NLK: variants seen among roughly 807,000 people sequenced by gnomAD.
NLK encodes nemo like kinase, also known as serine/threonine-protein kinase NLK.
NLK carries 11 observed loss-of-function variants against 59.0 expected under a neutral mutation model. That is an observed-to-expected ratio of 0.19 (90% CI 0.12 to 0.31). The LOEUF is 0.31. NLK is among the 10% of genes least tolerant of loss of function. NLK has a pLI of 1.00. For synonymous variants in NLK, 235 were observed against 235.9 expected, an observed-to-expected ratio of 1.00 and a Z score of 0.03; for missense variants, 410 against 661.1, an observed-to-expected ratio of 0.62 and a Z score of 4.16.
chr17:28,118,680 T>C (rs1201787270), intron 1 of NLK, among the ~76,000 whole-genome samples: 2 of 152,204 alleles, frequency 1.3e-5, no homozygotes, highest in Non-Finnish European at 2.9e-5. Context: ...ATGCTTCCTG[T>C]TTTGTTATTG....
At chr17:28,177,688 C>T (rs1039448980) in intron 7 of NLK, among the ~76,000 whole-genome samples, 6 of 152,130 alleles carry the variant, frequency 3.9e-5, no homozygotes. Flanking sequence ...TAAATAGCTC[C>T]AGAAAAAATC....
intron 1 of NLK, among the ~76,000 whole-genome samples, chr17:28,097,196 A>AT (rs1904732854): frequency 2.6e-5 from 4 of 152,208 alleles, no homozygotes; most frequent in Admixed American, 2.0e-4. Context: ...TAACCTCTGA[A>AT]GGCAACATTA....
At chr17:28,070,167 C>T (rs1358482048) in intron 1 of NLK, among the ~76,000 whole-genome samples, 8 of 151,416 alleles carry the variant, frequency 5.3e-5, no homozygotes, top group Non-Finnish European at 7.4e-5. Flanking sequence ...ATCCAGGAGG[C>T]GGAGGTTGCA....
At chr17:28,067,490 T>A (rs1416398291) in intron 1 of NLK, among the ~76,000 whole-genome samples, 1 of 150,892 alleles carries the variant, frequency 6.6e-6, no homozygotes, top group East Asian at 1.9e-4. Flanking sequence ...ATCTCCAGTA[T>A]TGGAAATGAT....
chr17:28,045,233 T>C (rs1909010735), intron 1 of NLK, among the ~76,000 whole-genome samples: 1 of 152,250 alleles, frequency 6.6e-6, no homozygotes, highest in Non-Finnish European at 1.5e-5. Flanking sequence ...GTTTGTCTTG[T>C]GTCACTGACT....
At chr17:28,052,991 G>C (rs376969887) in intron 1 of NLK, among the ~76,000 whole-genome samples, 2 of 149,774 alleles carry the variant, frequency 1.3e-5, no homozygotes, top group South Asian at 4.2e-4. Context: ...GCCCAGGCTA[G>C]TCTCAAACTC....
In NLK at chr17:28,042,939, A is replaced by G; in HGVS notation, c.66A>G (p.Ala22=). The G allele has an allele frequency of 1.3e-6, 2 of 1,545,478 alleles. No individual in the cohort carries two copies. The highest frequency in any genetic ancestry group is 2.7e-5 in the African/African-American group (2 of 72,986). Residue 22 remains alanine, a synonymous_variant, in exon 1 of 11, where the codon GCA becomes GCG. Coordinates refer to ENST00000407008, the MANE Select transcript of NLK (RefSeq NM_016231.5). ...MMAAYNGGTS[A]AAAGHHHHHH... The stretch of plus-strand genomic sequence containing the variant: ...CGGCTTACAATGGCGGTACATCTGC[A>G]GCAGCAGCAGGTCACCACCACCACC...
At chr17:28,170,154 A>G (rs939941729) in intron 6 of NLK, among the ~76,000 whole-genome samples, 1 of 152,178 alleles carries the variant, frequency 6.6e-6, no homozygotes, top group African/African-American at 2.4e-5. Flanking sequence ...CAAGCATGGC[A>G]TGTTGGAGGG....
chr17:28,133,263 T>C lies in NLK; in HGVS notation c.644+588T>C, dbSNP rs150427464. On this transcript the variant is annotated intron_variant, in intron 3 of 10. Transcript: ENST00000407008. ...TCTCTGGGGAAGGTATTGTGATTAT[T>C]CCCATGTTACAGAAGAGGAAATTGA... Among the ~76,000 whole-genome samples, 3 of 152,280 alleles carry C rather than the reference T, an allele frequency of 2.0e-5. No individual in the cohort carries two copies. The East Asian group carries it at 5.8e-4, about 29-fold the overall frequency.
chr17:28,168,568 A>G lies in NLK; in HGVS notation c.958A>G (p.Asn320Asp). The G allele has an allele frequency of 3.7e-6, 6 of 1,613,510 alleles. No individual in the cohort carries two copies. Among genetic ancestry groups the G allele is most frequent in the Non-Finnish European group, 5.1e-6 (6 of 1,179,462 alleles). The change falls in exon 6 of 11, where the codon AAT (asparagine) becomes GAT (aspartate). Residue 320 changes from asparagine (N) to aspartate (D), a missense_variant. Physicochemically the swap from Asn to Asp is conservative, Grantham distance 23. Transcript: ENST00000407008. ...CCTGATGGGCAGCCGTCATTACAGC[A>G]ATGCTATTGACATCTGGTCTGTGGG... ...EILMGSRHYS[N>D]AIDIWSVGCI...
intron 3 of NLK, among the ~76,000 whole-genome samples, chr17:28,160,113 T>C (rs1907942003): frequency 6.6e-6 from 1 of 152,186 alleles, no homozygotes; most frequent in African/African-American, 2.4e-5. Context: ...ATGGATGTTA[T>C]TTAAAGGCAT....
At chr17:28,094,241 T>C (rs914497714) in intron 1 of NLK, among the ~76,000 whole-genome samples, 1 of 152,208 alleles carries the variant, frequency 6.6e-6, no homozygotes, top group Non-Finnish European at 1.5e-5. Context: ...TTCAGGTTTC[T>C]GAGCAAAAAC....
intron 7 of NLK, among the ~76,000 whole-genome samples, chr17:28,184,139 T>C (rs1009356149): frequency 6.6e-6 from 1 of 152,152 alleles, no homozygotes; most frequent in African/African-American, 2.4e-5. Flanking sequence ...AATTCTTGAG[T>C]GAGAAATCAA....
At chr17:28,059,696 T>A (rs1053788286) in intron 1 of NLK, among the ~76,000 whole-genome samples, 2 of 152,146 alleles carry the variant, frequency 1.3e-5, no homozygotes, top group African/African-American at 4.8e-5. Flanking sequence ...AATGGTTTAT[T>A]CCAGTGGTAT....
chr17:28,192,818 G>A (rs752403818), intron 10 of NLK, among the ~76,000 whole-genome samples: 12 of 152,208 alleles, frequency 7.9e-5, no homozygotes, highest in Non-Finnish European at 1.6e-4. Context: ...GTGGCCACCT[G>A]TCCTGGAGTT....
chr17:28,058,514 C>T (rs2142743348), intron 1 of NLK, among the ~76,000 whole-genome samples: 1 of 152,266 alleles, frequency 6.6e-6, no homozygotes. Context: ...ATGAGAGTTT[C>T]GAAGATTCGG....
In NLK at chr17:28,093,686, A is replaced by G. The variant is rs114816654; in HGVS notation, c.459-28917A>G. ...CGGAAGCAATCTGACATCAACTCTC[A>G]AACTACTTGGGAGTTGTACGTAACA... On this transcript the variant is annotated intron_variant, in intron 1 of 10. Coordinates refer to ENST00000407008, the MANE Select transcript of NLK (RefSeq NM_016231.5). 5.8e-3 allele frequency among the ~76,000 whole-genome samples: 882 copies of G among 152,314 alleles called. 4 individuals are homozygous for G. The highest frequency in any genetic ancestry group is 0.021 in the African/African-American group (861 of 41,576).
At chr17:28,126,183 T>G (rs1056937193) in intron 2 of NLK, among the ~76,000 whole-genome samples, 1 of 152,212 alleles carries the variant, frequency 6.6e-6, no homozygotes, top group African/African-American at 2.4e-5. Context: ...TGGTTAAACA[T>G]TAAGCCAGGA....
chr17:28,186,319 G>T (rs977354246), intron 8 of NLK, among the ~76,000 whole-genome samples: 1 of 152,194 alleles, frequency 6.6e-6, no homozygotes, highest in Non-Finnish European at 1.5e-5. Context: ...AGGTTTGTGA[G>T]AAACAGTCAA....
Sources: gnomAD v4.1 joint callset for allele counts (sites outside exome capture counted in the v4.1 genomes callset) on GRCh38, gnomAD v4.1.1 for gene constraint, MANE v1.5 for transcripts, NCBI Gene and HGNC (gene_info 2026-07-23, HGNC 2026-07-21) for gene names.